The following BANP variants were observed in gnomAD, a reference collection of about 807,000 sequenced individuals.
BANP encodes protein BANP.
A neutral mutation model predicts 68.1 loss-of-function variants in BANP; 11 were observed. The observed-to-expected ratio is 0.16, with a 90% CI of 0.10 to 0.27. The LOEUF (loss-of-function observed/expected upper bound fraction) is 0.27, where lower values mean the gene tolerates loss of function less well. Among genes scored for constraint, BANP ranks in the 10% least tolerant of loss-of-function variants. The pLI, the probability that BANP is intolerant of heterozygous loss-of-function variation, is 1.00. For missense variants in BANP, 504 were observed against 722.7 expected (o/e 0.70, Z 3.47); for synonymous variants, 329 against 303.2 (o/e 1.09, Z -0.88).
chr16:88,032,764 G>A (rs1033250614), intron 8 of BANP, among the ~76,000 whole-genome samples: 2 of 152,192 alleles, frequency 1.3e-5, no homozygotes, highest in African/African-American at 2.4e-5. Context: ...TGCTCTATTA[G>A]TTTAATTACC....
At chr16:87,976,048 G>A (rs1478797539) in intron 2 of BANP, among the ~76,000 whole-genome samples, 2 of 152,182 alleles carry the variant, frequency 1.3e-5, no homozygotes, top group African/African-American at 4.8e-5. Context: ...TAGCAGCTCT[G>A]CAGGATTCAT....
At chr16:88,020,501 G>T (rs1285119819) in intron 7 of BANP, among the ~76,000 whole-genome samples, 1 of 152,250 alleles carries the variant, frequency 6.6e-6, no homozygotes, top group Admixed American at 6.5e-5. Flanking sequence ...GGCCCTGATG[G>T]CAGAGCGTGC....
chr16:88,039,695 G>A (rs1055096469), intron 11 of BANP, among the ~76,000 whole-genome samples: 3 of 142,656 alleles, frequency 2.1e-5, no homozygotes, highest in African/African-American at 7.3e-5. Context: ...TTCTCAGCAG[G>A]CATGGAGGCC....
chr16:88,066,438 G>C (rs972343953), intron 12 of BANP, among the ~76,000 whole-genome samples: 27 of 152,306 alleles, frequency 1.8e-4, no homozygotes, highest in African/African-American at 5.3e-4. Flanking sequence ...GCCACCTGGT[G>C]AAGGGCCTCG....
chr16:87,987,712 C>CAAAAAAAAAAAAA (rs66648819), intron 4 of BANP, among the ~76,000 whole-genome samples: 1,290 of 30,386 alleles, frequency 0.042, 330 homozygotes, highest in Middle Eastern at 0.071. Flanking sequence ...GACCCTAACT[C>CAAAAAAAAAAAAA]AAAAAAAAAA....
In BANP at chr16:88,044,407, A is replaced by G. The variant is rs114127993; in HGVS notation, c.1311+6396A>G. ...CCCTCGCTCACGTGTGTGCACTTACAAGGTCGGAACAGGTCCACAGAACGG... is the reference window on the plus strand; with the variant it reads ...CCCTCGCTCACGTGTGTGCACTTACGAGGTCGGAACAGGTCCACAGAACGG... On this transcript the variant is annotated intron_variant, in intron 11 of 13. Coordinates refer to ENST00000682872, the MANE Select transcript of BANP (RefSeq NM_001386991.1). Among the ~76,000 whole-genome samples, 502 of 152,360 alleles carry G rather than the reference A, an allele frequency of 3.3e-3. 4 individuals carry two copies. The highest frequency in any genetic ancestry group is 0.012 in the African/African-American group (482 of 41,580).
intron 11 of BANP, among the ~76,000 whole-genome samples, chr16:88,050,503 T>A (rs1026170682): frequency 2.6e-5 from 4 of 152,068 alleles, no homozygotes; most frequent in Admixed American, 2.6e-4. Context: ...AGACACACAC[T>A]TGTTAATGGT....
chr16:88,028,209 T>A (rs2077382792), intron 8 of BANP, among the ~76,000 whole-genome samples: 1 of 152,364 alleles, frequency 6.6e-6, no homozygotes, highest in East Asian at 1.9e-4. Flanking sequence ...TAGTAAGTAT[T>A]TGAATGAAAA....
chr16:88,011,384 C>T (rs2073075774), intron 6 of BANP, among the ~76,000 whole-genome samples: 1 of 152,130 alleles, frequency 6.6e-6, no homozygotes, highest in Non-Finnish European at 1.5e-5. Flanking sequence ...GCTCAGCTCT[C>T]CAGAGCTCAG....
At chr16:88,043,172 TCTG>T (rs1314235774) in intron 11 of BANP, among the ~76,000 whole-genome samples, 1 of 152,180 alleles carries the variant, frequency 6.6e-6, no homozygotes, top group Non-Finnish European at 1.5e-5. Flanking sequence ...ATGCACCTAA[TCTG>T]CTGCCTTCCA....
chr16:88,007,442 T>A (rs1301488461), intron 6 of BANP, among the ~76,000 whole-genome samples: 1 of 152,228 alleles, frequency 6.6e-6, no homozygotes, highest in Non-Finnish European at 1.5e-5. Context: ...CCCTCCCGCC[T>A]GGCCCTCGGC....
At chr16:87,992,202 C>A (rs2152500101) in intron 4 of BANP, among the ~76,000 whole-genome samples, 1 of 152,326 alleles carries the variant, frequency 6.6e-6, no homozygotes, top group East Asian at 1.9e-4. Flanking sequence ...TTTCTCTTAT[C>A]ATAAACCTGA....
intron 1 of BANP, among the ~76,000 whole-genome samples, chr16:87,973,569 C>T (rs530988039): frequency 2.0e-5 from 3 of 151,976 alleles, no homozygotes; most frequent in Admixed American, 6.5e-5. Flanking sequence ...AAGACCAACC[C>T]GACCAACGTG....
intron 3 of BANP, among the ~76,000 whole-genome samples, chr16:87,982,433 C>G (rs1459748005): frequency 1.3e-5 from 2 of 152,190 alleles, no homozygotes. Flanking sequence ...GAGAGCCAAA[C>G]ATTTGATGTT....
intron 4 of BANP, among the ~76,000 whole-genome samples, chr16:87,995,148 C>G (rs369382108): frequency 2.1e-4 from 32 of 152,244 alleles, no homozygotes; most frequent in Middle Eastern, 3.2e-3. Flanking sequence ...TCAATGGAGT[C>G]TGGCCACAGG....
intron 11 of BANP, among the ~76,000 whole-genome samples, chr16:88,038,739 C>T (rs949867062): frequency 5.3e-5 from 8 of 152,116 alleles, no homozygotes; most frequent in Non-Finnish European, 8.8e-5. Context: ...AGAGTCCACT[C>T]GCTGGTGGTT....
At chr16:87,958,590 G>A (rs1409150676) in intron 1 of BANP, among the ~76,000 whole-genome samples, 1 of 82,262 alleles carries the variant, frequency 1.2e-5, no homozygotes, top group African/African-American at 6.6e-5. Context: ...AGCGCTTTGG[G>A]AAGCGGAAAC....
intron 1 of BANP, among the ~76,000 whole-genome samples, chr16:87,962,257 G>A (rs56203398): frequency 0.65 from 82,889 of 127,024 alleles, 28,121 homozygotes; most frequent in African/African-American, 0.77. Context: ...AAAAAAAAAA[G>A]AAAGCACATT....
intron 6 of BANP, among the ~76,000 whole-genome samples, chr16:88,013,116 G>A (rs1234529433): frequency 6.6e-6 from 1 of 152,228 alleles, no homozygotes; most frequent in African/African-American, 2.4e-5. Context: ...GTGAATCACT[G>A]GTTGTTAATA....
Sources: gnomAD v4.1 joint callset for allele counts (sites outside exome capture counted in the v4.1 genomes callset) on GRCh38, gnomAD v4.1.1 for gene constraint, MANE v1.5 for transcripts, NCBI Gene and HGNC (gene_info 2026-07-23, HGNC 2026-07-21) for gene names.